Variants in AGBL1 observed in about 807,000 individuals in gnomAD.
AGBL1 encodes the protein cytosolic carboxypeptidase 4.
A neutral mutation model predicts 118.9 loss-of-function variants in AGBL1; 130 were observed. The ratio of observed to expected loss-of-function variants is 1.09; its 90% CI spans 0.95 to 1.26. AGBL1 has a LOEUF of 1.26. Among genes scored for constraint, AGBL1 ranks in the 50% most tolerant of loss-of-function variants. The probability of loss-of-function intolerance (pLI) is 0.00; values close to 1 mark genes in which losing one functional copy is unlikely to be tolerated. For synonymous variants in AGBL1, 555 were observed against 478.9 expected (o/e 1.16, Z -2.08); for missense variants, 1,584 against 1,298.1 (o/e 1.22, Z -3.38).
At chr15:86,821,968 G>A (rs964804092) in intron 22 of AGBL1, among the ~76,000 whole-genome samples, 5 of 152,034 alleles carry the variant, frequency 3.3e-5, no homozygotes, top group African/African-American at 7.2e-5. Context: ...GTCACCTTTC[G>A]GCTCCTGTCT....
chr15:86,930,910 C>A (rs2080596282), intron 23 of AGBL1, among the ~76,000 whole-genome samples: 1 of 152,080 alleles, frequency 6.6e-6, no homozygotes. Context: ...ATGTCTGATT[C>A]CCTATAGAAA....
At chr15:86,360,288 A>G (rs1389783429) in intron 17 of AGBL1, among the ~76,000 whole-genome samples, 3 of 148,142 alleles carry the variant, frequency 2.0e-5, no homozygotes, top group Non-Finnish European at 4.5e-5. Flanking sequence ...GTTTTTTGGC[A>G]TCTACTGATA....
At chr15:86,622,503 T>C (rs1486511430) in intron 21 of AGBL1, among the ~76,000 whole-genome samples, 1 of 152,004 alleles carries the variant, frequency 6.6e-6, no homozygotes, top group Non-Finnish European at 1.5e-5. Flanking sequence ...AACTATGAAA[T>C]ATAATTTCAA....
intron 5 of AGBL1, among the ~76,000 whole-genome samples, chr15:86,207,290 C>A (rs560749188): frequency 3.3e-5 from 5 of 152,294 alleles, no homozygotes; most frequent in South Asian, 2.1e-4. Context: ...CTTGGCAATG[C>A]AGGCTCTTTT....
rs541004486 is a variant in AGBL1, at chr15:86,907,555, G to C, written c.*261G>C. Reference sequence around the variant, plus strand: ...TATTGTACTTAGAATGGGACCCAATGGGTAGCCTCAAGATTACCATGGATC... The same window carrying C: ...TATTGTACTTAGAATGGGACCCAATCGGTAGCCTCAAGATTACCATGGATC... On this transcript the variant is annotated 3_prime_UTR_variant, in exon 23 of 23. Transcript: ENST00000614907. 17 of 152,294 alleles carry C rather than the reference G, an allele frequency of 1.1e-4. No homozygotes were observed. Among genetic ancestry groups the C allele is most frequent in the African/African-American group, 4.1e-4 (17 of 41,558 alleles). The allele number at this position is 152,294 out of a possible 1,614,324, so 9.4% of individuals were successfully genotyped here.
At chr15:86,512,028 T>C (rs1458906690) in intron 18 of AGBL1, among the ~76,000 whole-genome samples, 1 of 151,968 alleles carries the variant, frequency 6.6e-6, no homozygotes, top group Non-Finnish European at 1.5e-5. Flanking sequence ...GACATTAAAA[T>C]ATACAATTAA....
intron 21 of AGBL1, among the ~76,000 whole-genome samples, chr15:86,667,182 T>G (rs2085658926): frequency 1.3e-5 from 2 of 151,974 alleles, no homozygotes; most frequent in African/African-American, 4.8e-5. Flanking sequence ...TGAACATAAA[T>G]TTTTTTAAAA....
At chr15:86,284,637 TAGG>T (rs2079412432) in intron 16 of AGBL1, among the ~76,000 whole-genome samples, 1 of 152,184 alleles carries the variant, frequency 6.6e-6, no homozygotes, top group Admixed American at 6.5e-5. Context: ...GCCATCTCCT[TAGG>T]AGTGGGCTTT....
chr15:86,214,646 G>A (rs1014556177), intron 5 of AGBL1, among the ~76,000 whole-genome samples: 2 of 152,230 alleles, frequency 1.3e-5, no homozygotes, highest in African/African-American at 4.8e-5. Flanking sequence ...TCAGACATTA[G>A]CTTTTTCCTT....
intron 5 of AGBL1, among the ~76,000 whole-genome samples, chr15:86,176,406 G>A (rs563702337): frequency 3.3e-5 from 5 of 152,250 alleles, no homozygotes; most frequent in African/African-American, 9.6e-5. Flanking sequence ...TGTGTCTGGG[G>A]ATGCAAGGTT....
chr15:86,346,498 C>T (rs1241560417), intron 17 of AGBL1, among the ~76,000 whole-genome samples: 1 of 151,934 alleles, frequency 6.6e-6, no homozygotes, highest in Admixed American at 6.6e-5. Flanking sequence ...AGGCGCCCGC[C>T]ACCATGCCTG....
chr15:86,659,211 C>T (rs1013846181), intron 21 of AGBL1, among the ~76,000 whole-genome samples: 5 of 152,260 alleles, frequency 3.3e-5, no homozygotes, highest in African/African-American at 1.2e-4. Flanking sequence ...GGCCTTGAAT[C>T]TCCACTGAAT....
At chr15:86,097,285 C>T (rs1896439437) in intron 1 of AGBL1, among the ~76,000 whole-genome samples, 1 of 152,142 alleles carries the variant, frequency 6.6e-6, no homozygotes, top group African/African-American at 2.4e-5. Context: ...GACTATCCAT[C>T]ACTGAGTATT....
intron 13 of AGBL1, among the ~76,000 whole-genome samples, chr15:86,269,482 A>G (rs2079122697): frequency 6.6e-6 from 1 of 152,242 alleles, no homozygotes; most frequent in Non-Finnish European, 1.5e-5. Context: ...TTTAATAAAA[A>G]GGTGTGCTAA....
At chr15:86,623,945 C>A (rs2084848213) in intron 21 of AGBL1, among the ~76,000 whole-genome samples, 1 of 152,120 alleles carries the variant, frequency 6.6e-6, no homozygotes, top group Non-Finnish European at 1.5e-5. Context: ...CACTGCTGTG[C>A]TAAATACTTT....
chr15:87,009,366 T>G (rs539322518), intron 24 of AGBL1, among the ~76,000 whole-genome samples: 24 of 152,282 alleles, frequency 1.6e-4, no homozygotes, highest in African/African-American at 5.3e-4. Context: ...TACACAGAAG[T>G]CAAGAATTGA....
At chr15:86,200,340 A>G (rs980245821) in intron 5 of AGBL1, among the ~76,000 whole-genome samples, 1 of 152,218 alleles carries the variant, frequency 6.6e-6, no homozygotes, top group Non-Finnish European at 1.5e-5. Context: ...TCAACAAATT[A>G]TAAGAAAGAA....
At position 86,264,763 on chromosome 15, in the gene AGBL1, C is replaced by T. The variant is rs1434120078; in HGVS notation, c.1592C>T (p.Ala531Val). 1 of 1,613,900 alleles carries T rather than the reference C, an allele frequency of 6.2e-7. No individual in the cohort carries two copies. Among genetic ancestry groups the T allele is most frequent in the Non-Finnish European group, 8.5e-7 (1 of 1,179,904 alleles). ...TSSVVDFKMM[A>V]FPDVWGHCPP... ...TCTGTGGTGGACTTCAAGATGATGGCATTTCCTGATGTCTGGGGACACTGT... is the reference window on the plus strand; with the variant it reads ...TCTGTGGTGGACTTCAAGATGATGGTATTTCCTGATGTCTGGGGACACTGT... The change falls in exon 11 of 23, where the codon GCA (alanine) becomes GTA (valine). Residue 531 changes from alanine (A) to valine (V), a missense_variant. Ala to Val is a moderately conservative substitution (Grantham distance 64, BLOSUM62 0). Coordinates refer to ENST00000614907, the MANE Select transcript of AGBL1 (RefSeq NM_001386094.1).
intron 1 of AGBL1, among the ~76,000 whole-genome samples, chr15:86,103,052 C>G (rs952667634): frequency 2.0e-5 from 3 of 152,042 alleles, no homozygotes; most frequent in African/African-American, 7.2e-5. Flanking sequence ...GACCTGTTTT[C>G]AAGCACTGAA....
Sources: gnomAD v4.1 joint callset for allele counts (sites outside exome capture counted in the v4.1 genomes callset) on GRCh38, gnomAD v4.1.1 for gene constraint, MANE v1.5 for transcripts, NCBI Gene and HGNC (gene_info 2026-07-23, HGNC 2026-07-21) for gene names.